Variants in GRK5 observed in about 807,000 individuals in gnomAD.
The protein encoded by GRK5 is g protein-coupled receptor kinase GRK5.
In GRK5, 40 loss-of-function variants were observed where a neutral mutation model predicts 78.4. The ratio of observed to expected loss-of-function variants is 0.51; its 90% CI spans 0.40 to 0.66. GRK5 has a LOEUF of 0.66. Ranked by LOEUF, GRK5 falls within the 30% of genes least tolerant of loss-of-function variation. The pLI, the probability that GRK5 is intolerant of heterozygous loss-of-function variation, is 0.00. For missense variants in GRK5, 598 were observed against 759.9 expected (o/e 0.79, Z 2.50); for synonymous variants, 289 against 296.8 (o/e 0.97, Z 0.27).
intron 1 of GRK5, among the ~76,000 whole-genome samples, chr10:119,287,932 C>T (rs1403881941): frequency 6.6e-6 from 1 of 152,050 alleles, no homozygotes; most frequent in Non-Finnish European, 1.5e-5. Flanking sequence ...ATCCCAAAGC[C>T]CTGCTCATTC....
rs536072281 is a variant in GRK5 at position 119,342,081 on chromosome 10, C to T, written c.148+15470C>T. ...TCAGCCCTGTCTGGCTGCCGGAGTT[C>T]GACTGGTCAGGCGAGATGGGCACAG... On this transcript the variant is annotated intron_variant, in intron 2 of 15. Coordinates refer to ENST00000392870, the MANE Select transcript of GRK5 (RefSeq NM_005308.3). 2.8e-3 allele frequency among the ~76,000 whole-genome samples: 19 copies of T among 6,810 alleles called. No homozygotes were observed. The South Asian group carries it at 0.12, about 43-fold the overall frequency. 4.5% of individuals were successfully genotyped at this position (6,810 alleles called of 152,430 possible).
rs111996338 is a variant in GRK5 at position 119,425,704 on chromosome 10, G to A, written c.533+619G>A. Among the ~76,000 whole-genome samples the A allele has an allele frequency of 9.9e-4, 151 of 152,370 alleles. 1 individual carries two copies. Among genetic ancestry groups the A allele is most frequent in the African/African-American group, 3.4e-3 (140 of 41,586 alleles). Reference sequence around the variant, plus strand: ...TCGTCTTTTCCTATCCCGTGAGTGAGCAGGGCGCTTCCTTGTTGCTTATTT... The same window carrying A: ...TCGTCTTTTCCTATCCCGTGAGTGAACAGGGCGCTTCCTTGTTGCTTATTT... On this transcript the variant is annotated intron_variant, in intron 6 of 15. Coordinates refer to ENST00000392870, the MANE Select transcript of GRK5 (RefSeq NM_005308.3).
At position 119,431,163 on chromosome 10, in the gene GRK5, A is replaced by G. The variant is rs1200103834; in HGVS notation, c.598-224A>G. The stretch of plus-strand genomic sequence containing the variant: ...CATTCTGCCCCTTCCAGGGCTGGGA[A>G]TCCTTGAAGGAGAGGAGGAGGGAGG... On this transcript the variant is annotated intron_variant, in intron 7 of 15. Transcript: ENST00000392870. The surrounding 1 kb of genome is among the most constrained non-coding windows in gnomAD (Gnocchi z 4.8). 6.6e-6 allele frequency among the ~76,000 whole-genome samples: 1 copy of G among 152,090 alleles called. No individual in the cohort carries two copies. Among genetic ancestry groups the G allele is most frequent in the Non-Finnish European group, 1.5e-5 (1 of 68,008 alleles).
intron 11 of GRK5, among the ~76,000 whole-genome samples, chr10:119,442,374 C>T (rs1589813090): frequency 2.0e-5 from 3 of 152,312 alleles, no homozygotes; most frequent in East Asian, 3.9e-4. Context: ...GCCTGGCATA[C>T]AGCGCTGCTA....
intron 4 of GRK5, among the ~76,000 whole-genome samples, chr10:119,398,412 G>GAC (rs983025213): frequency 2.0e-5 from 3 of 150,292 alleles, no homozygotes; most frequent in African/African-American, 7.3e-5. Flanking sequence ...GTATCCACGA[G>GAC]ATTGCCCTAT....
intron 1 of GRK5, among the ~76,000 whole-genome samples, chr10:119,240,851 A>G (rs1463162572): frequency 6.6e-6 from 1 of 152,064 alleles, no homozygotes; most frequent in South Asian, 2.1e-4. Context: ...CTAGCTTCCA[A>G]GTAGCTAGGA....
At chr10:119,323,349 C>T (rs1231870774) in intron 1 of GRK5, among the ~76,000 whole-genome samples, 1 of 152,208 alleles carries the variant, frequency 6.6e-6, no homozygotes, top group African/African-American at 2.4e-5. Flanking sequence ...TGCTTCATGC[C>T]TGCCAGGTCT....
At chr10:119,360,142 G>A (rs1004489073) in intron 2 of GRK5, among the ~76,000 whole-genome samples, 2 of 151,550 alleles carry the variant, frequency 1.3e-5, no homozygotes, top group Admixed American at 1.3e-4. Flanking sequence ...AGGCTGAAGA[G>A]TCTGAGGGGG....
At chr10:119,265,456 G>A (rs1849478746) in intron 1 of GRK5, among the ~76,000 whole-genome samples, 1 of 152,302 alleles carries the variant, frequency 6.6e-6, no homozygotes, top group African/African-American at 2.4e-5. Context: ...CATGAGGATG[G>A]GGCCTCCATG....
At chr10:119,313,575 G>C (rs574214736) in intron 1 of GRK5, among the ~76,000 whole-genome samples, 1 of 152,280 alleles carries the variant, frequency 6.6e-6, no homozygotes, top group South Asian at 2.1e-4. Flanking sequence ...TTACATTGCA[G>C]TGAAGATGTC....
At chr10:119,262,627 C>T (rs1353803400) in intron 1 of GRK5, among the ~76,000 whole-genome samples, 1 of 152,126 alleles carries the variant, frequency 6.6e-6, no homozygotes, top group African/African-American at 2.4e-5. Flanking sequence ...GGGCGTGAGC[C>T]ACCGTGCCTG....
intron 1 of GRK5, among the ~76,000 whole-genome samples, chr10:119,292,268 CCTCCTT>C (rs1849994908): frequency 6.7e-6 from 1 of 150,218 alleles, no homozygotes; most frequent in Admixed American, 6.6e-5. Context: ...TCCTCTTCCT[CCTCCTT>C]CTCCTCCTCT....
rs376408758 is a variant in GRK5 at position 119,290,324 on chromosome 10, G to A, written c.53-36192G>A. 1.1e-4 allele frequency among the ~76,000 whole-genome samples: 14 copies of A among 128,602 alleles called. No individual in the cohort carries two copies. In the East Asian group the frequency reaches 3.5e-3, roughly 32 times the overall value. 84.4% of individuals were successfully genotyped at this position (128,602 alleles called of 152,430 possible). ...ATCATGCCGCTGCATTCCAGCCTGA[G>A]TGACAGAGCGAGATTCCGTCTCAAA... is the stretch of plus-strand genomic sequence containing the variant. On this transcript the variant is annotated intron_variant, in intron 1 of 15. Transcript: ENST00000392870.
intron 2 of GRK5, among the ~76,000 whole-genome samples, chr10:119,366,746 G>A (rs879550136): frequency 1.3e-5 from 2 of 152,148 alleles, no homozygotes; most frequent in African/African-American, 4.8e-5. Flanking sequence ...CCTCCCCACC[G>A]TGGACCCCTA....
intron 1 of GRK5, among the ~76,000 whole-genome samples, chr10:119,317,773 CT>C (rs1212189059): frequency 3.9e-5 from 6 of 152,088 alleles, no homozygotes; most frequent in African/African-American, 1.4e-4. Context: ...TCTTCAGGTC[CT>C]TTTTAGAAGA....
chr10:119,447,405 T>C (rs186547947), intron 12 of GRK5, among the ~76,000 whole-genome samples: 3 of 152,242 alleles, frequency 2.0e-5, no homozygotes, highest in Admixed American at 2.0e-4. Flanking sequence ...CCTCCCGCTT[T>C]CTAAGTCAAA....
intron 1 of GRK5, among the ~76,000 whole-genome samples, chr10:119,245,877 G>A (rs1849100072): frequency 6.6e-6 from 1 of 151,794 alleles, no homozygotes; most frequent in Admixed American, 6.6e-5. Flanking sequence ...AAAGTTAGCT[G>A]GGCATGGTGG....
At chr10:119,243,583 T>TTC (rs1849060161) in intron 1 of GRK5, among the ~76,000 whole-genome samples, 1 of 149,036 alleles carries the variant, frequency 6.7e-6, no homozygotes, top group Non-Finnish European at 1.5e-5. Flanking sequence ...TTTTTTTTTT[T>TTC]CTTTCTGTCC....
intron 2 of GRK5, among the ~76,000 whole-genome samples, chr10:119,350,784 C>T (rs1043068219): frequency 3.3e-5 from 5 of 152,210 alleles, no homozygotes; most frequent in Non-Finnish European, 2.9e-5. Context: ...ATTGCAGACT[C>T]CTCTGTTGAC....
Sources: gnomAD v4.1 joint callset for allele counts (sites outside exome capture counted in the v4.1 genomes callset) on GRCh38, gnomAD v4.1.1 for gene constraint, Gnocchi (gnomAD v3.1) non-coding constraint, MANE v1.5 for transcripts, NCBI Gene and HGNC (gene_info 2026-07-23, HGNC 2026-07-21) for gene names.